ITGA4: variants seen among roughly 807,000 people sequenced by gnomAD.
The protein encoded by ITGA4 is integrin subunit alpha 4, also known as integrin alpha-4.
ITGA4 carries 63 observed loss-of-function variants against 133.6 expected under a neutral mutation model. The observed-to-expected ratio is 0.47, with a 90% CI of 0.38 to 0.58. The LOEUF is 0.58. Among genes scored for constraint, ITGA4 ranks in the 20% least tolerant of loss-of-function variants. The pLI, the probability that ITGA4 is intolerant of heterozygous loss-of-function variation, is 0.00. For synonymous variants in ITGA4, 483 were observed against 438.0 expected, an observed-to-expected ratio of 1.10 and a Z score of -1.28; for missense variants, 1,076 against 1,252.7, an observed-to-expected ratio of 0.86 and a Z score of 2.13.
In ITGA4 at chr2:181,534,070, G is replaced by A. The variant is rs1268145733; in HGVS notation, c.2785-202G>A. Among the ~76,000 whole-genome samples the A allele has an allele frequency of 2.6e-5, 4 of 152,206 alleles. No homozygotes were observed. The East Asian group carries it at 7.7e-4, about 29-fold the overall frequency. ...TTTGCAAGGTAGCTGTTTAATCAAA[G>A]GATTTCAATAAAATGATACTATATA... is the stretch of plus-strand genomic sequence containing the variant. On this transcript the variant is annotated intron_variant, in intron 25 of 27. Coordinates refer to ENST00000397033, the MANE Select transcript of ITGA4 (RefSeq NM_000885.6).
In ITGA4 at chr2:181,538,638, T is replaced by G. The variant is rs1687329272; in HGVS notation, c.*3111T>G. Among the ~76,000 whole-genome samples the G allele has an allele frequency of 6.6e-6, 1 of 152,122 alleles. No individual in the cohort carries two copies. Among genetic ancestry groups the G allele is most frequent in the South Asian group, 2.1e-4 (1 of 4,828 alleles). On this transcript the variant is annotated 3_prime_UTR_variant, in exon 28 of 28. Coordinates refer to ENST00000397033, the MANE Select transcript of ITGA4 (RefSeq NM_000885.6). ...ATGTAAAATTGTTCCCAAGGGAAGT[T>G]GAATGCTCTGTAAAGGCCTAATAAA...
At chr2:181,524,383 G>A (rs2105766715) in intron 20 of ITGA4, 133 bp downstream of exon 20, 2 of 537,518 alleles carry the variant, frequency 3.7e-6, no homozygotes, top group Middle Eastern at 3.8e-4. Flanking sequence ...GCTTTTAAAA[G>A]AACCAAACAA....
chr2:181,515,587 G>T (rs1391184419), intron 17 of ITGA4, among the ~76,000 whole-genome samples: 1 of 152,180 alleles, frequency 6.6e-6, no homozygotes, highest in East Asian at 1.9e-4. Flanking sequence ...TCCATATAAA[G>T]TAGTAGGCGC....
In ITGA4 at chr2:181,478,808, C is replaced by G; in HGVS notation, c.608C>G (p.Ser203Cys). 5 of 1,471,008 alleles carry G rather than the reference C, an allele frequency of 3.4e-6. No homozygotes were observed. Among genetic ancestry groups the G allele is most frequent in the Non-Finnish European group, 4.6e-6 (5 of 1,093,374 alleles). The allele number at this position is 1,471,008 out of a possible 1,614,324, so 91.1% of individuals were successfully genotyped here. A position where few individuals can be genotyped will look rare whatever the true frequency, so the allele number is the denominator to read the frequency against. Residue 203 changes from serine (S) to cysteine (C), a missense_variant, in exon 5 of 28, where the codon TCC becomes TGC. This residue lies in a region of ITGA4 where 436 missense variants were observed against 590.7 expected (regional missense o/e 0.74). Coordinates refer to ENST00000397033, the MANE Select transcript of ITGA4 (RefSeq NM_000885.6). ...ENFASCQAGI[S>C]SFYTKDLIVM... ...TTTGCATCATGTCAAGCTGGAATAT[C>G]CAGTTTTTACACAAAGGTAATTGTT...
rs552322806 is a variant in ITGA4, at chr2:181,536,380, C to A, written c.*853C>A. On this transcript the variant is annotated 3_prime_UTR_variant, in exon 28 of 28. Coordinates refer to ENST00000397033, the MANE Select transcript of ITGA4 (RefSeq NM_000885.6). ...AAAAGATTGTGAGTGTTGCACTTTA[C>A]CTGATACACGCTGATTTAGAAAATA... Among the ~76,000 whole-genome samples, 1 of 133,878 alleles carries A rather than the reference C, an allele frequency of 7.5e-6. No homozygotes were observed. The highest frequency in any genetic ancestry group is 2.2e-4 in the South Asian group (1 of 4,536). 87.8% of individuals were successfully genotyped at this position (133,878 alleles called of 152,430 possible).
chr2:181,532,007 G>A (rs1200380277), intron 25 of ITGA4, among the ~76,000 whole-genome samples: 10 of 152,186 alleles, frequency 6.6e-5, no homozygotes, highest in Non-Finnish European at 1.0e-4. Flanking sequence ...AGGCACAGTG[G>A]CTCATGCCTG....
In ITGA4 at chr2:181,535,489, A is replaced by G; in HGVS notation, c.3061A>G (p.Ser1021Gly). The G allele has an allele frequency of 6.2e-7, 1 of 1,609,902 alleles. No homozygotes were observed. ...CCTACAAGAAGAAAACAGAAGAGACAGTTGGAGTTATATCAACAGTAAAAG... is the reference window on the plus strand; with the variant it reads ...CCTACAAGAAGAAAACAGAAGAGACGGTTGGAGTTATATCAACAGTAAAAG... ...SILQEENRRD[S>G]WSYINSKSND... is the part of the protein sequence containing the mutation. The change falls in exon 28 of 28, where the codon AGT becomes GGT. Residue 1021 changes from serine to glycine, a missense_variant. Ser to Gly is a moderately conservative substitution (Grantham distance 56). Transcript: ENST00000397033.
In ITGA4 at chr2:181,531,777, G is replaced by C; in HGVS notation, c.2784+1G>C. 1 of 1,593,816 alleles carries C rather than the reference G, an allele frequency of 6.3e-7. No homozygotes were observed. The highest frequency in any genetic ancestry group is 8.5e-7 in the Non-Finnish European group (1 of 1,172,518). The stretch of plus-strand genomic sequence containing the variant: ...AGGCCGGCCATCCATTTTAGAAATG[G>C]TAAGTAAGTCTAAAACATTGACAAC... On this transcript the variant is annotated splice_donor_variant, in intron 25 of 27. Transcript: ENST00000397033. LOFTEE classifies it high-confidence loss of function.
rs1034751303 is a variant in ITGA4 at position 181,533,485 on chromosome 2, G to A, written c.2785-787G>A. On this transcript the variant is annotated intron_variant, in intron 25 of 27. Coordinates refer to ENST00000397033, the MANE Select transcript of ITGA4 (RefSeq NM_000885.6). The stretch of plus-strand genomic sequence containing the variant: ...ATTTTGAACCAGATAATTTTGTTTT[G>A]GGGGGTTGTCCTGTGCATTGTAGGA... Among the ~76,000 whole-genome samples the A allele has an allele frequency of 2.6e-5, 4 of 152,040 alleles. No homozygotes were observed. The East Asian group carries it at 7.7e-4, about 29-fold the overall frequency.
chr2:181,495,975 C>T lies in ITGA4; in HGVS notation c.1540+38C>T, dbSNP rs750712849. ...TACAATATTAATGCTTGATGGGGTG[C>T]GGTTCATTCATTAATCCCACAATCC... On this transcript the variant is annotated intron_variant, in intron 14 of 27. Coordinates refer to ENST00000397033, the MANE Select transcript of ITGA4 (RefSeq NM_000885.6). The surrounding 1 kb of genome is among the most constrained non-coding windows in gnomAD (Gnocchi z 4.3). 6.9e-6 allele frequency: 11 copies of T among 1,592,808 alleles called. No homozygotes were observed. The highest frequency in any genetic ancestry group is 4.0e-5 in the African/African-American group (3 of 74,112).
chr2:181,509,056 C>T (rs910502978), intron 15 of ITGA4, among the ~76,000 whole-genome samples: 4 of 139,838 alleles, frequency 2.9e-5, no homozygotes, highest in African/African-American at 5.3e-5. Flanking sequence ...GCAGAAGGAT[C>T]GCTTGAGCCC....
intron 17 of ITGA4, among the ~76,000 whole-genome samples, chr2:181,514,516 C>T (rs2105759707): frequency 7.1e-6 from 1 of 140,006 alleles, no homozygotes; most frequent in East Asian, 2.0e-4. Flanking sequence ...TACTTTGTAT[C>T]CCAGCATGTA....
chr2:181,477,513 A>T (rs748069929), intron 4 of ITGA4, among the ~76,000 whole-genome samples: 4 of 152,138 alleles, frequency 2.6e-5, no homozygotes, highest in Admixed American at 6.6e-5. Context: ...AAACCAAATA[A>T]CTGATTAAAA....
chr2:181,473,360 A>T (rs1211453927), intron 2 of ITGA4, among the ~76,000 whole-genome samples: 2 of 152,230 alleles, frequency 1.3e-5, no homozygotes, highest in Non-Finnish European at 2.9e-5. Context: ...CTAATGCCAG[A>T]TGATCTGAGG....
At chr2:181,510,651 T>C (rs1379525196) in intron 16 of ITGA4, among the ~76,000 whole-genome samples, 1 of 152,102 alleles carries the variant, frequency 6.6e-6, no homozygotes, top group African/African-American at 2.4e-5. Flanking sequence ...CAATCACCAC[T>C]AGTCTAGTCT....
intron 9 of ITGA4, among the ~76,000 whole-genome samples, chr2:181,484,256 A>G (rs1685865468): frequency 6.6e-6 from 1 of 152,110 alleles, no homozygotes; most frequent in South Asian, 2.1e-4. Context: ...TTTTGAATGA[A>G]CTCAAGAAAG....
chr2:181,457,563 T>C lies in ITGA4; in HGVS notation c.-92T>C, dbSNP rs1685153024. 39 of 1,183,260 alleles carry C rather than the reference T, an allele frequency of 3.3e-5. No individual in the cohort carries two copies. The highest frequency in any genetic ancestry group is 4.4e-5 in the Non-Finnish European group (37 of 836,596). The allele number at this position is 1,183,260 out of a possible 1,614,324, so 73.3% of individuals were successfully genotyped here. A position where few individuals can be genotyped will look rare whatever the true frequency, so the allele number is the denominator to read the frequency against. Reference sequence around the variant, plus strand: ...CGCCGGACACGCTGCGCCTCATCTCTTGGGGCGTTCTTCCCCGTTGGCCAA... The same window carrying C: ...CGCCGGACACGCTGCGCCTCATCTCCTGGGGCGTTCTTCCCCGTTGGCCAA... On this transcript the variant is annotated 5_prime_UTR_variant, in exon 1 of 28. Coordinates refer to ENST00000397033, the MANE Select transcript of ITGA4 (RefSeq NM_000885.6).
chr2:181,505,956 G>GT (rs1357784002), intron 15 of ITGA4, among the ~76,000 whole-genome samples: 1 of 151,994 alleles, frequency 6.6e-6, no homozygotes, highest in Non-Finnish European at 1.5e-5. Context: ...AAGCTGTTCC[G>GT]TTTTCACAAG....
At chr2:181,509,540 A>G (rs1419529784) in intron 15 of ITGA4, 118 bp from the exon 16 acceptor site, 7 of 573,082 alleles carry the variant, frequency 1.2e-5, no homozygotes, top group African/African-American at 5.8e-5. Flanking sequence ...TAGATAAAAG[A>G]TAAGTATTTG....
Sources: allele counts gnomAD v4.1 joint callset (sites outside exome capture counted in the v4.1 genomes callset), GRCh38; gene constraint gnomAD v4.1.1; regional missense constraint gnomAD v4.1.1; non-coding constraint Gnocchi (gnomAD v3.1); transcripts MANE v1.5; gene names NCBI Gene and HGNC (gene_info 2026-07-23, HGNC 2026-07-21).